TENM4: variants seen among roughly 807,000 people sequenced by gnomAD.
The protein encoded by TENM4 is teneurin-4.
A neutral mutation model predicts 243.3 loss-of-function variants in TENM4; 82 were observed. The ratio of observed to expected loss-of-function variants is 0.34; its 90% CI spans 0.28 to 0.40. The LOEUF is 0.40. Among genes scored for constraint, TENM4 ranks in the 10% least tolerant of loss-of-function variants. The probability of loss-of-function intolerance (pLI) is 1.00; values close to 1 mark genes in which losing one functional copy is unlikely to be tolerated. For missense variants in TENM4, 3,138 were observed against 3,673.3 expected (o/e 0.85, Z 3.77); for synonymous variants, 1,412 against 1,456.3 (o/e 0.97, Z 0.69).
rs140435358 is a variant in TENM4 at position 78,979,549 on chromosome 11, T to C, written c.494-76026A>G. Among the ~76,000 whole-genome samples, 831 of 152,124 alleles carry C rather than the reference T, an allele frequency of 5.5e-3. 22 individuals carry two copies. The highest frequency in any genetic ancestry group is 0.046 in the Admixed American group (696 of 15,292). On this transcript the variant is annotated intron_variant, in intron 6 of 33. Transcript: ENST00000278550. Reference sequence around the variant, plus strand: ...TGTGTGCTGTGCATGCACATATGTGTTGTACATGCACATATGTGTTGTACA... The same window carrying C: ...TGTGTGCTGTGCATGCACATATGTGCTGTACATGCACATATGTGTTGTACA...
chr11:78,876,783 G>A (rs1374021549), intron 9 of TENM4, among the ~76,000 whole-genome samples: 2 of 152,204 alleles, frequency 1.3e-5, no homozygotes, highest in East Asian at 1.9e-4. Context: ...CAGGCTCAGT[G>A]AATGCTCCCC....
At chr11:78,917,101 C>A (rs1856334835) in intron 6 of TENM4, among the ~76,000 whole-genome samples, 2 of 152,204 alleles carry the variant, frequency 1.3e-5, no homozygotes, top group African/African-American at 4.8e-5. Flanking sequence ...TTGGGGACCA[C>A]AAAAAGTGTT....
chr11:79,125,914 A>G (rs943007086), intron 4 of TENM4, among the ~76,000 whole-genome samples: 5 of 152,214 alleles, frequency 3.3e-5, no homozygotes, highest in Non-Finnish European at 7.3e-5. Flanking sequence ...ACACTCAAAA[A>G]GAACTGCTTG....
At chr11:78,873,144 C>A (rs1371719022) in intron 9 of TENM4, among the ~76,000 whole-genome samples, 1 of 152,182 alleles carries the variant, frequency 6.6e-6, no homozygotes. Flanking sequence ...CCTTGGGGAC[C>A]ATATCATATT....
chr11:79,071,744 C>A (rs1377970500), intron 4 of TENM4, among the ~76,000 whole-genome samples: 1 of 152,032 alleles, frequency 6.6e-6, no homozygotes, highest in Non-Finnish European at 1.5e-5. Context: ...CTCACAATAA[C>A]TGTGAAGTAG....
At chr11:79,430,997 T>C (rs2135610030) in intron 1 of TENM4, among the ~76,000 whole-genome samples, 1 of 152,304 alleles carries the variant, frequency 6.6e-6, no homozygotes. Flanking sequence ...AGGCATTCTA[T>C]AGCAGAAAGA....
At chr11:78,800,698 G>A (rs1857263665) in intron 15 of TENM4, among the ~76,000 whole-genome samples, 1 of 151,718 alleles carries the variant, frequency 6.6e-6, no homozygotes, top group Non-Finnish European at 1.5e-5. Flanking sequence ...CCCTATGCTA[G>A]GGATACTTAT....
rs77359026 is a variant in TENM4, at chr11:79,411,298, C to T, written c.-321+29211G>A. Among the ~76,000 whole-genome samples the T allele has an allele frequency of 9.5e-3, 1,446 of 152,234 alleles. 25 individuals carry two copies. The highest frequency in any genetic ancestry group is 0.033 in the African/African-American group (1,384 of 41,530). ...CTGCTGAGATGTGTAGCAATATAAA[C>T]CCTTGTGCTAAATGGCTCTCCCCTT... On this transcript the variant is annotated intron_variant, in intron 1 of 33. Coordinates refer to ENST00000278550, the MANE Select transcript of TENM4 (RefSeq NM_001098816.3).
intron 6 of TENM4, among the ~76,000 whole-genome samples, chr11:78,991,329 C>T (rs1470980136): frequency 2.0e-5 from 3 of 151,902 alleles, no homozygotes; most frequent in Admixed American, 2.0e-4. Context: ...TTCATTATTG[C>T]CTCTTGTTGA....
chr11:78,946,089 T>A lies in TENM4; in HGVS notation c.494-42566A>T, dbSNP rs532977198. Reference sequence around the variant, plus strand: ...TACACTAAACAGCAGTTTTTCAACATAGACAAAACAGCCTTCTATTGGAAG... The same window carrying A: ...TACACTAAACAGCAGTTTTTCAACAAAGACAAAACAGCCTTCTATTGGAAG... On this transcript the variant is annotated intron_variant, in intron 6 of 33. Transcript: ENST00000278550. 2.6e-5 allele frequency among the ~76,000 whole-genome samples: 4 copies of A among 152,340 alleles called. No homozygotes were observed. In the South Asian group the frequency reaches 8.3e-4, roughly 32 times the overall value.
In TENM4 at chr11:78,702,113, A is replaced by G. The variant is rs1302445271; in HGVS notation, c.4500T>C (p.Ser1500=). ...CCCCAGCAACGAGTGAGATCTCTCC[A>G]CTAGTGGTGACCTGCCTGATGCGGT... ...KINRIRQVTT[S]GEISLVAGAP... Residue 1500 remains serine, a synonymous_variant, in exon 28 of 34, where the codon AGT becomes AGC. Transcript: ENST00000278550. The G allele has an allele frequency of 2.5e-6, 4 of 1,613,944 alleles. No homozygotes were observed. In the South Asian group the frequency reaches 3.3e-5, roughly 13 times the overall value.
intron 1 of TENM4, among the ~76,000 whole-genome samples, chr11:79,331,221 G>A (rs879903665): frequency 5.3e-5 from 8 of 152,084 alleles, no homozygotes; most frequent in Non-Finnish European, 1.0e-4. Context: ...GTCCCTGACT[G>A]ATAAGTGGAC....
intron 1 of TENM4, among the ~76,000 whole-genome samples, chr11:79,341,217 C>A (rs1857236461): frequency 6.6e-6 from 1 of 152,182 alleles, no homozygotes; most frequent in Non-Finnish European, 1.5e-5. Flanking sequence ...AGAGAATAAA[C>A]CTGTGTAGTT....
At chr11:78,887,366 TG>T (rs1435990616) in intron 9 of TENM4, among the ~76,000 whole-genome samples, 24 of 152,218 alleles carry the variant, frequency 1.6e-4, no homozygotes, top group Non-Finnish European at 4.4e-5. Flanking sequence ...TGGCTGGGGT[TG>T]GGTATTCCCA....
At chr11:79,396,769 C>T (rs747808386) in intron 1 of TENM4, among the ~76,000 whole-genome samples, 11 of 152,216 alleles carry the variant, frequency 7.2e-5, no homozygotes, top group Admixed American at 5.9e-4. Context: ...GACCTCTCTC[C>T]TCTCTGGTTC....
intron 1 of TENM4, among the ~76,000 whole-genome samples, chr11:79,370,258 T>C (rs1212774197): frequency 6.6e-6 from 1 of 152,172 alleles, no homozygotes; most frequent in Non-Finnish European, 1.5e-5. Flanking sequence ...CTCCATACCA[T>C]GACATTATCA....
chr11:79,407,909 C>CT (rs71457508), intron 1 of TENM4, among the ~76,000 whole-genome samples: 1,490 of 139,406 alleles, frequency 0.011, 10 homozygotes, highest in Non-Finnish European at 0.016. Context: ...TTTTCTTTTT[C>CT]TTTTTTTTTT....
intron 3 of TENM4, among the ~76,000 whole-genome samples, chr11:79,158,176 A>G (rs1862662809): frequency 6.6e-6 from 1 of 152,242 alleles, no homozygotes; most frequent in South Asian, 2.1e-4. Flanking sequence ...GGGAATGTGC[A>G]TAATCAAAAG....
At chr11:79,317,384 T>C (rs1486012499) in intron 1 of TENM4, among the ~76,000 whole-genome samples, 1 of 151,972 alleles carries the variant, frequency 6.6e-6, no homozygotes, top group Non-Finnish European at 1.5e-5. Context: ...GGTAATTTTT[T>C]CTGGGAAGGG....
Sources: allele counts gnomAD v4.1 joint callset (sites outside exome capture counted in the v4.1 genomes callset), GRCh38; gene constraint gnomAD v4.1.1; transcripts MANE v1.5; gene names NCBI Gene and HGNC (gene_info 2026-07-23, HGNC 2026-07-21).